The following SGIP1 variants were observed in gnomAD, a reference collection of about 807,000 sequenced individuals.
SGIP1 encodes the protein SH3GL interacting endocytic adaptor 1, also known as SH3-containing GRB2-like protein 3-interacting protein 1.
Under a neutral mutation model 107.5 loss-of-function variants are expected in SGIP1, and 38 were observed. That is an observed-to-expected ratio of 0.35 (90% confidence interval 0.27 to 0.46). The LOEUF (loss-of-function observed/expected upper bound fraction) is 0.46. Ranked by LOEUF, SGIP1 falls within the 20% of genes least tolerant of loss-of-function variation. SGIP1 has a pLI of 1.00. For synonymous variants in SGIP1, 365 were observed against 366.1 expected, an observed-to-expected ratio of 1.00 and a Z score of 0.03; for missense variants, 929 against 1,019.5, an observed-to-expected ratio of 0.91 and a Z score of 1.21.
At chr1:66,598,695 T>C (rs1218741655) in intron 1 of SGIP1, among the ~76,000 whole-genome samples, 1 of 152,034 alleles carries the variant, frequency 6.6e-6, no homozygotes, top group African/African-American at 2.4e-5. Context: ...GCCACACACT[T>C]TTGAACAACC....
At chr1:66,679,268 C>T (rs2086111431) in intron 13 of SGIP1, among the ~76,000 whole-genome samples, 1 of 152,164 alleles carries the variant, frequency 6.6e-6, no homozygotes, top group South Asian at 2.1e-4. Flanking sequence ...GTTATCAAAC[C>T]CTCGACTGTA....
At chr1:66,590,204 T>C (rs546325483) in intron 1 of SGIP1, among the ~76,000 whole-genome samples, 2 of 152,326 alleles carry the variant, frequency 1.3e-5, no homozygotes, top group African/African-American at 4.8e-5. Flanking sequence ...TTGTTTCCCA[T>C]TTTTAGTGGG....
chr1:66,676,058 C>T (rs1052322042), intron 12 of SGIP1, among the ~76,000 whole-genome samples: 1 of 152,140 alleles, frequency 6.6e-6, no homozygotes, highest in Non-Finnish European at 1.5e-5. Context: ...CCTTGTGATA[C>T]GTGTTTTATA....
chr1:66,695,510 A>G lies in SGIP1; in HGVS notation c.1630+17A>G. 1 of 1,611,604 alleles carries G rather than the reference A, an allele frequency of 6.2e-7. No individual in the cohort carries two copies. Among genetic ancestry groups the G allele is most frequent in the Non-Finnish European group, 8.5e-7 (1 of 1,178,094 alleles). ...CTTTTGAAGGTAAGTAGTGCATAGC[A>G]TACCAGATTCTAATTTATACTCCTC... On this transcript the variant is annotated intron_variant, in intron 18 of 24. Coordinates refer to ENST00000371037, the MANE Select transcript of SGIP1 (RefSeq NM_032291.4).
At chr1:66,641,459 T>G (rs1002082799) in intron 5 of SGIP1, among the ~76,000 whole-genome samples, 1 of 152,144 alleles carries the variant, frequency 6.6e-6, no homozygotes, top group Admixed American at 6.6e-5. Flanking sequence ...GACAGACCTA[T>G]AACCTCAACT....
chr1:66,683,880 G>T (rs1424489449), intron 15 of SGIP1, among the ~76,000 whole-genome samples: 4 of 151,174 alleles, frequency 2.6e-5, no homozygotes, highest in African/African-American at 9.7e-5. Flanking sequence ...CTTTTTTTCA[G>T]TAGAGACAGG....
rs554433961 is a variant in SGIP1, at chr1:66,726,750, A to G, written c.1743-2514A>G. Among the ~76,000 whole-genome samples the G allele has an allele frequency of 3.9e-5, 6 of 152,374 alleles. No homozygotes were observed. In the South Asian group the frequency reaches 1.2e-3, roughly 32 times the overall value. Reference sequence around the variant, plus strand: ...ACTATATACATTGTAAGACTAAAATAGGTGAAAATGGGTAATGAAGCTAAA... The same window carrying G: ...ACTATATACATTGTAAGACTAAAATGGGTGAAAATGGGTAATGAAGCTAAA... On this transcript the variant is annotated intron_variant, in intron 19 of 24. Transcript: ENST00000371037.
At position 66,553,993 on chromosome 1, in the gene SGIP1, T is replaced by A. The variant is rs530614876; in HGVS notation, c.10+19625T>A. Among the ~76,000 whole-genome samples the A allele has an allele frequency of 9.8e-5, 15 of 152,286 alleles. 1 individual carries two copies. In the South Asian group the frequency reaches 2.9e-3, roughly 29 times the overall value. ...GTCTGGACAGGCCTCATTTATTCAT[T>A]GCTGCTTGGTTTATGCGGCAGTCAT... On this transcript the variant is annotated intron_variant, in intron 1 of 24. Transcript: ENST00000371037.
At chr1:66,729,820 G>C (rs1259425875) in intron 20 of SGIP1, among the ~76,000 whole-genome samples, 1 of 152,024 alleles carries the variant, frequency 6.6e-6, no homozygotes, top group Non-Finnish European at 1.5e-5. Flanking sequence ...TTTTATTTTT[G>C]AGATAGAGTC....
rs115205268 is a variant in SGIP1 at position 66,537,748 on chromosome 1, C to G, written c.10+3380C>G. ...AATATATTTTATTATATTTACTACT[C>G]ATAATAACCTGAAACTAAGTATATT... is the stretch of plus-strand genomic sequence containing the variant. On this transcript the variant is annotated intron_variant, in intron 1 of 24. Coordinates refer to ENST00000371037, the MANE Select transcript of SGIP1 (RefSeq NM_032291.4). Among the ~76,000 whole-genome samples, 734 of 152,130 alleles carry G rather than the reference C, an allele frequency of 4.8e-3. 6 individuals carry two copies. The highest frequency in any genetic ancestry group is 0.011 in the Admixed American group (165 of 15,286).
In SGIP1 at chr1:66,746,181, T is replaced by C. The variant is rs1396935890; in HGVS notation, c.*3086T>C. 6.6e-6 allele frequency: 1 copy of C among 152,212 alleles called. No individual in the cohort carries two copies. The highest frequency in any genetic ancestry group is 2.4e-5 in the African/African-American group (1 of 41,476). 9.4% of individuals were successfully genotyped at this position (152,212 alleles called of 1,614,324 possible). On this transcript the variant is annotated 3_prime_UTR_variant, in exon 25 of 25. Transcript: ENST00000371037. The stretch of plus-strand genomic sequence containing the variant: ...AGAAAAGCAGATAACTATAATACCT[T>C]GGCTCTGCCACTGACTCCTGCCGTA...
intron 1 of SGIP1, among the ~76,000 whole-genome samples, chr1:66,609,047 T>TATATCCCACAGGGATGAAGG (rs1371387284): frequency 3.3e-5 from 5 of 152,148 alleles, no homozygotes; most frequent in Admixed American, 6.5e-5. Flanking sequence ...GAAGGTCACT[T>TATATCCCACAGGGATGAAGG]TTGACACTTG....
chr1:66,634,029 G>T (rs1244006292), intron 3 of SGIP1: 8 of 1,473,882 alleles, frequency 5.4e-6, no homozygotes, highest in Non-Finnish European at 7.4e-6. Context: ...TAAGAAAATA[G>T]ACTGAAATTG....
intron 1 of SGIP1, among the ~76,000 whole-genome samples, chr1:66,615,456 C>G (rs2069039474): frequency 6.6e-6 from 1 of 152,116 alleles, no homozygotes; most frequent in African/African-American, 2.4e-5. Flanking sequence ...TTAAATTGAT[C>G]TTTGAATAAT....
chr1:66,643,212 C>T (rs936294067), intron 6 of SGIP1, among the ~76,000 whole-genome samples: 15 of 145,782 alleles, frequency 1.0e-4, no homozygotes, highest in East Asian at 6.2e-4. Flanking sequence ...TAAAACTCAT[C>T]GAGGATCATT....
intron 1 of SGIP1, among the ~76,000 whole-genome samples, chr1:66,549,893 C>T (rs140958975): frequency 2.0e-5 from 3 of 152,250 alleles, no homozygotes; most frequent in Admixed American, 1.3e-4. Context: ...TCTTATTGCT[C>T]CATCTCCTAA....
chr1:66,589,808 A>G (rs927429158), intron 1 of SGIP1, among the ~76,000 whole-genome samples: 5 of 152,106 alleles, frequency 3.3e-5, no homozygotes, highest in African/African-American at 1.2e-4. Context: ...CAAATCTCAA[A>G]TATTTTTCTG....
chr1:66,567,730 A>G (rs886729092), intron 1 of SGIP1, among the ~76,000 whole-genome samples: 3 of 152,180 alleles, frequency 2.0e-5, no homozygotes, highest in African/African-American at 4.8e-5. Context: ...ATGGCTAGCC[A>G]GTTTTCCCAA....
chr1:66,676,079 A>G (rs1359363119), intron 12 of SGIP1, among the ~76,000 whole-genome samples: 1 of 152,162 alleles, frequency 6.6e-6, no homozygotes, highest in African/African-American at 2.4e-5. Flanking sequence ...GACATTTTAT[A>G]TATACTCTAT....
Sources: allele counts gnomAD v4.1 joint callset (sites outside exome capture counted in the v4.1 genomes callset), GRCh38; gene constraint gnomAD v4.1.1; transcripts MANE v1.5; gene names NCBI Gene and HGNC (gene_info 2026-07-23, HGNC 2026-07-21).